GUF1: variants seen among roughly 807,000 people sequenced by gnomAD.
GUF1 encodes the protein GTP binding elongation factor GUF1.
Under a neutral mutation model 82.4 loss-of-function variants are expected in GUF1, and 78 were observed. That is an observed-to-expected ratio of 0.95 (90% CI 0.79 to 1.14). The LOEUF is 1.14. Ranked by LOEUF, GUF1 falls within the 50% of genes most tolerant of loss-of-function variation. The pLI, the probability that GUF1 is intolerant of heterozygous loss-of-function variation, is 0.00. For missense variants in GUF1, 814 were observed against 798.2 expected, an observed-to-expected ratio of 1.02 and a Z score of -0.24; for synonymous variants, 279 against 282.3, an observed-to-expected ratio of 0.99 and a Z score of 0.12.
In GUF1 at chr4:44,682,438, C is replaced by T. The variant is rs13117025; in HGVS notation, c.585+27C>T. The T allele has an allele frequency of 0.99, 1,247,946 of 1,256,538 alleles. 620,162 individuals carry two copies. Among genetic ancestry groups the T allele is most frequent in the East Asian group, 1 (37,171 of 37,172 alleles). 77.8% of individuals were successfully genotyped at this position (1,256,538 alleles called of 1,614,324 possible). A position where few individuals can be genotyped will look rare whatever the true frequency, so the allele number is the denominator to read the frequency against. ...TAATTACAATGAGACAACAGTGTTGCTATTTCACTTTCTAAAAGTACAATT... is the reference window on the plus strand; with the variant it reads ...TAATTACAATGAGACAACAGTGTTGTTATTTCACTTTCTAAAAGTACAATT... On this transcript the variant is annotated intron_variant, in intron 5 of 16. Transcript: ENST00000281543.
rs117716180 is a variant in GUF1 at position 44,690,532 on chromosome 4, A to G, written c.1336-185A>G. 5.4e-3 allele frequency among the ~76,000 whole-genome samples: 819 copies of G among 151,882 alleles called. 22 individuals are homozygous for G. The East Asian group carries it at 0.061, about 11-fold the overall frequency. On this transcript the variant is annotated intron_variant, in intron 11 of 16. Coordinates refer to ENST00000281543, the MANE Select transcript of GUF1 (RefSeq NM_021927.3). ...AGGTTAAAGTGTATTCTTTTGTCATACTTCTTCTAAATGGTCCATGAAATA... is the reference window on the plus strand; with the variant it reads ...AGGTTAAAGTGTATTCTTTTGTCATGCTTCTTCTAAATGGTCCATGAAATA...
intron 5 of GUF1, 71 bp downstream of exon 5, chr4:44,682,482 G>A (rs1714826758): frequency 1.3e-6 from 1 of 782,668 alleles, no homozygotes. Flanking sequence ...AATGTCAGTT[G>A]TACTATTCAT....
At chr4:44,692,976 G>T (rs1278120273) in intron 13 of GUF1, among the ~76,000 whole-genome samples, 1 of 151,932 alleles carries the variant, frequency 6.6e-6, no homozygotes, top group Non-Finnish European at 1.5e-5. Flanking sequence ...TTGTCGTTTG[G>T]AAACTTAAAT....
intron 15 of GUF1, among the ~76,000 whole-genome samples, chr4:44,696,044 C>T (rs1249123366): frequency 2.0e-5 from 3 of 151,934 alleles, no homozygotes; most frequent in South Asian, 2.1e-4. Flanking sequence ...GGTTTTATCC[C>T]TTTAGGTAGA....
At chr4:44,688,269 T>A (rs763640724) in intron 9 of GUF1, 123 bp downstream of exon 9, 46 of 927,872 alleles carry the variant, frequency 5.0e-5, no homozygotes, top group Non-Finnish European at 7.6e-5. Context: ...TCCAGCATAT[T>A]GTTTCACTTT....
rs186634620 is a variant in GUF1 at position 44,683,850 on chromosome 4, C to T, written c.669+532C>T. Among the ~76,000 whole-genome samples, 5 of 152,168 alleles carry T rather than the reference C, an allele frequency of 3.3e-5. No individual in the cohort carries two copies. In the East Asian group the frequency reaches 9.6e-4, roughly 29 times the overall value. On this transcript the variant is annotated intron_variant, in intron 6 of 16. Transcript: ENST00000281543. ...TTGAAATGATGATCTGCTTGTTAAA[C>T]AGCCACAGCCAAACTGCTATACTAC... is the stretch of plus-strand genomic sequence containing the variant.
In GUF1 at chr4:44,686,720, A is replaced by T. The variant is rs1232713501; in HGVS notation, c.938+7A>T. On this transcript the variant is annotated splice_region_variant and intron_variant, in intron 8 of 16. Coordinates refer to ENST00000281543, the MANE Select transcript of GUF1 (RefSeq NM_021927.3). ...AGCAGCCAACTCATAAATTGTAAGT[A>T]ATCTGCATTAGTAAAATTAAAATGC... 10 of 1,557,860 alleles carry T rather than the reference A, an allele frequency of 6.4e-6. No homozygotes were observed. The highest frequency in any genetic ancestry group is 8.9e-6 in the Non-Finnish European group (10 of 1,129,828).
In GUF1 at chr4:44,686,488, ACTTTTTACTTATATTTACTAGTC is replaced by A. The variant is rs913725607; in HGVS notation, c.735-19_738del. The A allele has an allele frequency of 2.8e-6, 4 of 1,438,342 alleles. No individual in the cohort carries two copies. The African/African-American group carries it at 4.3e-5, about 15-fold the overall frequency. 89.1% of individuals were successfully genotyped at this position (1,438,342 alleles called of 1,614,324 possible). On this transcript the variant is annotated splice_acceptor_variant and splice_polypyrimidine_tract_variant and coding_sequence_variant and intron_variant, in exon 8 of 17. Coordinates refer to ENST00000281543, the MANE Select transcript of GUF1 (RefSeq NM_021927.3). LOFTEE classifies it high-confidence loss of function. ...ATTTTAATTTAGTGTATATATATTT[ACTTTTTACTTATATTTACTAGTC>A]CTAAAGTGCATCGCAAAAATCCTCT... is the stretch of plus-strand genomic sequence containing the variant.
rs2306991 is a variant in GUF1 at position 44,695,548 on chromosome 4, T to C, written c.1716-67T>C. ...ATCACCTTTACACTGATTATGCAACTGGCCTAGAAAAATACTTGAAATATT... is the reference window on the plus strand; with the variant it reads ...ATCACCTTTACACTGATTATGCAACCGGCCTAGAAAAATACTTGAAATATT... On this transcript the variant is annotated intron_variant, in intron 14 of 16. Transcript: ENST00000281543. 2.8e-4 allele frequency: 387 copies of C among 1,391,906 alleles called. 2 individuals are homozygous for C. In the East Asian group the frequency reaches 8.3e-3, roughly 30 times the overall value. The allele number at this position is 1,391,906 out of a possible 1,614,324, so 86.2% of individuals were successfully genotyped here.
At chr4:44,682,035 A>AT (rs1714799079) in intron 4 of GUF1, among the ~76,000 whole-genome samples, 1 of 152,068 alleles carries the variant, frequency 6.6e-6, no homozygotes, top group Non-Finnish European at 1.5e-5. Flanking sequence ...AATAGGTATC[A>AT]TAGTTGAGCT....
chr4:44,678,733 GGCT>G lies in GUF1; in HGVS notation c.115_117del (p.Ala39del). On this transcript the variant is annotated inframe_deletion, in exon 1 of 17. Coordinates refer to ENST00000281543, the MANE Select transcript of GUF1 (RefSeq NM_021927.3). ...GGCCCCGGTCCGCGCCGACCCTTGG[GGCT>G]GCTCCAGAGTCCTGGGCTACCGACA... 6.5e-7 allele frequency: 1 copy of G among 1,532,138 alleles called. No individual in the cohort carries two copies. The highest frequency in any genetic ancestry group is 8.7e-7 in the Non-Finnish European group (1 of 1,150,512). The allele number at this position is 1,532,138 out of a possible 1,614,324, so 94.9% of individuals were successfully genotyped here. A position where few individuals can be genotyped will look rare whatever the true frequency, so the allele number is the denominator to read the frequency against.
At chr4:44,685,599 T>C (rs114493991) in intron 6 of GUF1, among the ~76,000 whole-genome samples, 43 of 152,176 alleles carry the variant, frequency 2.8e-4, no homozygotes, top group African/African-American at 1.0e-3. Context: ...TTAGGCAGAA[T>C]ATGAATAATC....
intron 11 of GUF1, among the ~76,000 whole-genome samples, chr4:44,690,451 A>G (rs951187734): frequency 6.6e-6 from 1 of 151,812 alleles, no homozygotes; most frequent in African/African-American, 2.4e-5. Flanking sequence ...AATTTTGGCA[A>G]TCTAAATATT....
In GUF1 at chr4:44,680,701, T is replaced by G; in HGVS notation, c.285T>G (p.Ile95Met). ...ADRLLELTGT[I>M]DKTKNNKQVL... ...AAGTGTTTCTGTTTATAGGGACAATTGATAAAACAAAGAATAATAAGCAGG... is the reference window on the plus strand; with the variant it reads ...AAGTGTTTCTGTTTATAGGGACAATGGATAAAACAAAGAATAATAAGCAGG... Residue 95 changes from isoleucine to methionine, a missense_variant, in exon 3 of 17, where the codon ATT becomes ATG. Physicochemically the swap from Ile to Met is conservative, Grantham distance 10 (BLOSUM62 1). Transcript: ENST00000281543. 6.3e-7 allele frequency: 1 copy of G among 1,592,780 alleles called. No individual in the cohort carries two copies. Among genetic ancestry groups the G allele is most frequent in the Non-Finnish European group, 8.6e-7 (1 of 1,166,720 alleles).
At chr4:44,694,810 G>T (rs968715893) in intron 14 of GUF1, among the ~76,000 whole-genome samples, 6 of 149,478 alleles carry the variant, frequency 4.0e-5, no homozygotes, top group Admixed American at 2.7e-4. Context: ...TTTTTGTTTT[G>T]TTTTGTTTTT....
intron 7 of GUF1, 131 bp from the exon 8 acceptor site, chr4:44,686,379 G>A (rs1219446324): frequency 2.6e-5 from 13 of 504,866 alleles, no homozygotes; most frequent in Middle Eastern, 1.0e-3. Flanking sequence ...TTATAAAAAG[G>A]TCTTTTTATT....
chr4:44,689,541 T>C (rs1715289462), intron 10 of GUF1, 132 bp downstream of exon 10: 1 of 1,042,180 alleles, frequency 9.6e-7, no homozygotes. Context: ...GGTGCATTGT[T>C]CTGGAACATT....
intron 14 of GUF1, 57 bp downstream of exon 14, chr4:44,694,570 T>TA (rs1715666576): frequency 2.8e-5 from 30 of 1,084,788 alleles, no homozygotes; most frequent in Middle Eastern, 2.7e-4. Flanking sequence ...ATGTTTTTCA[T>TA]TTATTTTTGT....
Position 44,680,550 on chromosome 4 carries a change from C to T in GUF1, c.275C>T (p.Thr92Ile), listed in dbSNP as rs749713534. 3.1e-6 allele frequency: 5 copies of T among 1,588,508 alleles called. No homozygotes were observed. The highest frequency in any genetic ancestry group is 2.7e-5 in the African/African-American group (2 of 74,094). The change falls in exon 2 of 17, where the codon ACA (threonine) becomes ATA (isoleucine). Residue 92 changes from threonine (T) to isoleucine (I), a missense_variant and splice_region_variant. Transcript: ENST00000281543. ...STLADRLLEL[T>I]GTIDKTKNNK... ...TTAGCTGACAGGCTCCTAGAACTTA[C>T]AGGTATTTCATTTATGTTACATACT...
Sources: allele counts gnomAD v4.1 joint callset (sites outside exome capture counted in the v4.1 genomes callset), GRCh38; gene constraint gnomAD v4.1.1; transcripts MANE v1.5; gene names NCBI Gene and HGNC (gene_info 2026-07-23, HGNC 2026-07-21).